ARHGEF28: variants seen among roughly 807,000 people sequenced by gnomAD.
ARHGEF28 encodes Rho guanine nucleotide exchange factor 28, also known as 190 kDa guanine nucleotide exchange factor.
ARHGEF28 carries 152 observed loss-of-function variants against 206.6 expected under a neutral mutation model. That is an observed-to-expected ratio of 0.74 (90% CI 0.64 to 0.84). The LOEUF (loss-of-function observed/expected upper bound fraction) is 0.84. ARHGEF28 is among the 40% of genes least tolerant of loss of function. The pLI is 0.00. For synonymous variants in ARHGEF28, 763 were observed against 776.4 expected, an observed-to-expected ratio of 0.98 and a Z score of 0.29; for missense variants, 2,028 against 2,073.2, an observed-to-expected ratio of 0.98 and a Z score of 0.42.
chr5:73,858,000 C>T, intron 15 of ARHGEF28, 87 bp from the exon 16 acceptor site: 2 of 1,518,910 alleles, frequency 1.3e-6, no homozygotes, highest in Non-Finnish European at 1.8e-6. Flanking sequence ...AGACTTTGCT[C>T]AGATGATTTC....
At chr5:73,684,542 A>G (rs1747321610) in intron 1 of ARHGEF28, among the ~76,000 whole-genome samples, 1 of 152,194 alleles carries the variant, frequency 6.6e-6, no homozygotes, top group South Asian at 2.1e-4. Flanking sequence ...ACATAGGTAT[A>G]AAAATTTCTG....
chr5:73,860,897 G>T (rs1759356967), intron 16 of ARHGEF28, among the ~76,000 whole-genome samples: 1 of 152,058 alleles, frequency 6.6e-6, no homozygotes, highest in Admixed American at 6.6e-5. Flanking sequence ...CAGTTCCGTT[G>T]CCCTTTCCTC....
At chr5:73,650,439 C>T (rs1230935031) in intron 1 of ARHGEF28, among the ~76,000 whole-genome samples, 2 of 151,820 alleles carry the variant, frequency 1.3e-5, no homozygotes, top group Non-Finnish European at 2.9e-5. Context: ...CGCATGCCAC[C>T]ACACCCAGCT....
chr5:73,801,948 A>G (rs1298203920), intron 9 of ARHGEF28, among the ~76,000 whole-genome samples: 2 of 152,254 alleles, frequency 1.3e-5, no homozygotes, highest in Non-Finnish European at 2.9e-5. Context: ...GTTGAGAATC[A>G]CGGTCAGAGA....
intron 9 of ARHGEF28, among the ~76,000 whole-genome samples, chr5:73,797,325 A>G (rs984796722): frequency 1.3e-5 from 2 of 152,256 alleles, no homozygotes; most frequent in Non-Finnish European, 2.9e-5. Flanking sequence ...CAATAGTCAG[A>G]TGGTCAGACA....
chr5:73,885,876 C>T lies in ARHGEF28; in HGVS notation c.3082C>T (p.Arg1028Cys), dbSNP rs201386583. 5.9e-4 allele frequency: 950 copies of T among 1,612,678 alleles called. 3 individuals carry two copies. In the Middle Eastern group the frequency reaches 9.2e-3, roughly 16 times the overall value. The change falls in exon 25 of 36, where the codon CGC (arginine) becomes TGC (cysteine). Residue 1028 changes from arginine (R) to cysteine (C), a missense_variant. Coordinates refer to ENST00000513042, the MANE Select transcript of ARHGEF28 (RefSeq NM_001177693.2). ...AAGAACTGAGGAACATAAAGACTTA[C>T]GCAAAGCGCTTTGCTTAATTAAAGA... Reference protein sequence around the residue: ...KERTEEHKDLRKALCLIKDMI... With the variant: ...KERTEEHKDLCKALCLIKDMI...
chr5:73,853,830 AC>A (rs1434685556), intron 14 of ARHGEF28, among the ~76,000 whole-genome samples: 1 of 152,228 alleles, frequency 6.6e-6, no homozygotes, highest in African/African-American at 2.4e-5. Flanking sequence ...CTTTTTAACA[AC>A]TGGAAAAATA....
At chr5:73,767,896 G>T (rs917452163) in intron 4 of ARHGEF28, among the ~76,000 whole-genome samples, 1 of 152,178 alleles carries the variant, frequency 6.6e-6, no homozygotes, top group Non-Finnish European at 1.5e-5. Flanking sequence ...TGGTTTCATG[G>T]GCTGGGCCCA....
At chr5:73,818,930 T>G (rs6453024) in intron 9 of ARHGEF28, among the ~76,000 whole-genome samples, 1 of 151,994 alleles carries the variant, frequency 6.6e-6, no homozygotes, top group Admixed American at 6.5e-5. Flanking sequence ...TTATTTATTC[T>G]GATACATTAA....
intron 2 of ARHGEF28, among the ~76,000 whole-genome samples, chr5:73,687,636 C>G (rs1279336850): frequency 1.3e-5 from 2 of 152,056 alleles, no homozygotes; most frequent in African/African-American, 4.8e-5. Context: ...AACCTGCTCT[C>G]TGCCCTTCTA....
rs1197776780 is a variant in ARHGEF28 at position 73,891,124 on chromosome 5, A to G, written c.3388-928A>G. 2.0e-5 allele frequency among the ~76,000 whole-genome samples: 3 copies of G among 152,320 alleles called. No individual in the cohort carries two copies. In the East Asian group the frequency reaches 5.8e-4, roughly 29 times the overall value. ...TGCTTGGCTATGTGCTAGGTGCATGAAGATGAATGAGACCCATTCCCACCC... is the reference window on the plus strand; with the variant it reads ...TGCTTGGCTATGTGCTAGGTGCATGGAGATGAATGAGACCCATTCCCACCC... On this transcript the variant is annotated intron_variant, in intron 26 of 35. Coordinates refer to ENST00000513042, the MANE Select transcript of ARHGEF28 (RefSeq NM_001177693.2).
chr5:73,869,557 C>T (rs1414361941), intron 20 of ARHGEF28, among the ~76,000 whole-genome samples: 3 of 152,152 alleles, frequency 2.0e-5, no homozygotes, highest in Non-Finnish European at 4.4e-5. Flanking sequence ...ATATTTGATT[C>T]TTTGCTGTCA....
intron 31 of ARHGEF28, chr5:73,902,972 G>A (rs931335278): frequency 6.6e-6 from 1 of 152,256 alleles, no homozygotes; most frequent in African/African-American, 2.4e-5. Context: ...ATCCCTCTAG[G>A]GCGGGGGTTC....
intron 2 of ARHGEF28, among the ~76,000 whole-genome samples, chr5:73,741,587 T>C (rs577568693): frequency 1.1e-4 from 16 of 151,142 alleles, no homozygotes; most frequent in African/African-American, 3.9e-4. Context: ...GCCCAGCTAA[T>C]TTTTTGTATT....
chr5:73,936,033 G>C (rs16871063), intron 35 of ARHGEF28, among the ~76,000 whole-genome samples: 1,597 of 152,288 alleles, frequency 0.01, 17 homozygotes, highest in African/African-American at 0.037. Context: ...TATGAGGAAA[G>C]AGATACTGGT....
intron 1 of ARHGEF28, among the ~76,000 whole-genome samples, chr5:73,669,901 G>C (rs1746200681): frequency 6.6e-6 from 1 of 152,160 alleles, no homozygotes; most frequent in Non-Finnish European, 1.5e-5. Context: ...TGGCCAGGCT[G>C]GTCTTGAACT....
At chr5:73,801,518 A>G (rs2112498289) in intron 9 of ARHGEF28, among the ~76,000 whole-genome samples, 1 of 152,186 alleles carries the variant, frequency 6.6e-6, no homozygotes, top group East Asian at 1.9e-4. Flanking sequence ...AGAAGCTGTG[A>G]CCCCTGTGAG....
chr5:73,650,874 C>A (rs1259239098), intron 1 of ARHGEF28, among the ~76,000 whole-genome samples: 2 of 152,090 alleles, frequency 1.3e-5, no homozygotes, highest in Non-Finnish European at 2.9e-5. Flanking sequence ...GTCTTGAACT[C>A]CTGGCCTCAA....
At chr5:73,770,950 G>A (rs889657653) in intron 4 of ARHGEF28, among the ~76,000 whole-genome samples, 1 of 152,206 alleles carries the variant, frequency 6.6e-6, no homozygotes, top group Non-Finnish European at 1.5e-5. Context: ...AGCAGAACAA[G>A]CTTGGAGAGC....
Sources: gnomAD v4.1 joint callset for allele counts (sites outside exome capture counted in the v4.1 genomes callset) on GRCh38, gnomAD v4.1.1 for gene constraint, MANE v1.5 for transcripts, NCBI Gene and HGNC (gene_info 2026-07-23, HGNC 2026-07-21) for gene names.